The following CDKN2B-AS1 variants were observed in gnomAD, a reference collection of about 807,000 sequenced individuals.
CDKN2B-AS1 encodes the protein CDKN2B and CDKN2A antisense cis and trans regulatory RNA 1.
At position 21,996,281 on chromosome 9, in the gene CDKN2B-AS1, T is replaced by A. The variant is rs1820679903; in HGVS notation, n.29+1120T>A. ...GGAAAAAGTGAGATTTAGCGATCACTCTTACGTAGCCACTCTAAATATCTA... is the reference window on the plus strand; with the variant it reads ...GGAAAAAGTGAGATTTAGCGATCACACTTACGTAGCCACTCTAAATATCTA... On this transcript the variant is annotated intron_variant and non_coding_transcript_variant, in intron 1 of 4. Transcript: ENST00000650946. The surrounding 1 kb of genome is among the most constrained non-coding windows in gnomAD (Gnocchi z 5.4). Among the ~76,000 whole-genome samples, 1 of 152,128 alleles carries A rather than the reference T, an allele frequency of 6.6e-6. No individual in the cohort carries two copies.
chr9:22,032,545 A>T (rs1480367730), intron 1 of CDKN2B-AS1: 1 of 151,978 alleles, frequency 6.6e-6, no homozygotes, highest in Admixed American at 6.6e-5. Flanking sequence ...TTATTGAATC[A>T]CTGTGGAGTT....
intron 4 of CDKN2B-AS1, among the ~76,000 whole-genome samples, chr9:22,112,923 C>T (rs1049767975): frequency 6.6e-6 from 1 of 152,124 alleles, no homozygotes; most frequent in Non-Finnish European, 1.5e-5. Context: ...AAAGTCACAT[C>T]GGCAAAACTA....
At chr9:22,068,985 A>G (rs552921916) in intron 4 of CDKN2B-AS1, among the ~76,000 whole-genome samples, 74 of 152,318 alleles carry the variant, frequency 4.9e-4, no homozygotes, top group African/African-American at 1.6e-3. Flanking sequence ...GCAGCTATAG[A>G]TGCCATCAGA....
intron 1 of CDKN2B-AS1, among the ~76,000 whole-genome samples, chr9:22,016,170 C>T (rs1821747755): frequency 6.6e-6 from 1 of 152,106 alleles, no homozygotes; most frequent in Admixed American, 6.6e-5. Context: ...AGTCCTTGCC[C>T]ATGCCTATGT....
Position 21,996,458 on chromosome 9 carries a change from T to C in CDKN2B-AS1, n.29+1297T>C, listed in dbSNP as rs377127843. 1.3e-5 allele frequency among the ~76,000 whole-genome samples: 2 copies of C among 152,202 alleles called. No individual in the cohort carries two copies. Among genetic ancestry groups the C allele is most frequent in the Admixed American group, 6.5e-5 (1 of 15,290 alleles). ...CAAATATAGCTCTTTTTCCTTCAGG[T>C]CTCTTCTGAAGTAAGTAGCCCTTCC... On this transcript the variant is annotated intron_variant and non_coding_transcript_variant, in intron 1 of 4. Coordinates refer to ENST00000650946, the Ensembl canonical transcript of CDKN2B-AS1. The surrounding 1 kb of genome is among the most constrained non-coding windows in gnomAD (Gnocchi z 5.4).
chr9:22,008,683 A>G (rs767443985), intron 1 of CDKN2B-AS1: 9 of 1,609,628 alleles, frequency 5.6e-6, no homozygotes, highest in Non-Finnish European at 7.6e-6. Context: ...ACCTCCGGCC[A>G]ACGGAGACTC....
chr9:22,082,811 T>C (rs1824742250), intron 4 of CDKN2B-AS1, among the ~76,000 whole-genome samples: 1 of 152,156 alleles, frequency 6.6e-6, no homozygotes, highest in African/African-American at 2.4e-5. Context: ...GGGCAGGGGA[T>C]AAACCAAATT....
At chr9:22,081,735 T>G (rs1423170206) in intron 4 of CDKN2B-AS1, among the ~76,000 whole-genome samples, 1 of 152,220 alleles carries the variant, frequency 6.6e-6, no homozygotes, top group Non-Finnish European at 1.5e-5. Context: ...CTGACACTTT[T>G]CCCTCTGACT....
chr9:22,090,513 C>T (rs1454032751), intron 4 of CDKN2B-AS1, among the ~76,000 whole-genome samples: 13 of 152,068 alleles, frequency 8.5e-5, no homozygotes, highest in South Asian at 2.1e-4. Context: ...TTTTAATGAT[C>T]GCCATTCTGA....
At chr9:22,002,046 G>A (rs1740847733) in intron 1 of CDKN2B-AS1, among the ~76,000 whole-genome samples, 1 of 152,060 alleles carries the variant, frequency 6.6e-6, no homozygotes, top group Admixed American at 6.6e-5. Context: ...ATGTGTGATT[G>A]TGTATCTAGG....
At chr9:22,033,908 T>C (rs550522103) in intron 1 of CDKN2B-AS1, among the ~76,000 whole-genome samples, 1 of 152,328 alleles carries the variant, frequency 6.6e-6, no homozygotes, top group Admixed American at 6.5e-5. Context: ...ACATTTATAT[T>C]GCATTGAGGC....
chr9:22,081,543 G>C (rs1432412786), intron 4 of CDKN2B-AS1, among the ~76,000 whole-genome samples: 1 of 152,190 alleles, frequency 6.6e-6, no homozygotes, highest in Non-Finnish European at 1.5e-5. Context: ...CAGGAAAAGA[G>C]ATTTTAGGGA....
chr9:22,065,009 A>G (rs1823980572), intron 4 of CDKN2B-AS1, among the ~76,000 whole-genome samples: 3 of 152,050 alleles, frequency 2.0e-5, no homozygotes, highest in Non-Finnish European at 4.4e-5. Context: ...TTCTCTTTGT[A>G]CTCTTCACTG....
rs73650050 is a variant in CDKN2B-AS1, at chr9:22,104,557, G to T, written n.439-22546G>T. Among the ~76,000 whole-genome samples, 179 of 152,160 alleles carry T rather than the reference G, an allele frequency of 1.2e-3. 1 individual carries two copies. Among genetic ancestry groups the T allele is most frequent in the African/African-American group, 4.1e-3 (169 of 41,468 alleles). ...CCAGCCACTAAGACTACTTCCCACA[G>T]GACTGGAAATCTCTACCACCGTACC... On this transcript the variant is annotated intron_variant and non_coding_transcript_variant, in intron 4 of 4. Coordinates refer to ENST00000650946, the Ensembl canonical transcript of CDKN2B-AS1.
intron 4 of CDKN2B-AS1, among the ~76,000 whole-genome samples, chr9:22,082,091 C>A (rs1307045763): frequency 6.6e-6 from 1 of 152,172 alleles, no homozygotes; most frequent in Non-Finnish European, 1.5e-5. Context: ...TTAAACTGGT[C>A]CCCAGTTCAC....
intron 4 of CDKN2B-AS1, among the ~76,000 whole-genome samples, chr9:22,066,556 A>G (rs1387577760): frequency 6.6e-6 from 1 of 151,964 alleles, no homozygotes; most frequent in Non-Finnish European, 1.5e-5. Context: ...GCTTCTGAGA[A>G]TTTCTAAGAC....
chr9:22,105,247 G>A (rs1396437899), intron 4 of CDKN2B-AS1, among the ~76,000 whole-genome samples: 5 of 152,164 alleles, frequency 3.3e-5, no homozygotes, highest in East Asian at 1.9e-4. Flanking sequence ...TATCATCAGC[G>A]GAAATGAAAG....
At chr9:22,076,188 G>A (rs1458041275) in intron 4 of CDKN2B-AS1, among the ~76,000 whole-genome samples, 1 of 152,060 alleles carries the variant, frequency 6.6e-6, no homozygotes, top group African/African-American at 2.4e-5. Flanking sequence ...CAAGTAGTTG[G>A]ATTACAGGCA....
chr9:22,018,979 A>C (rs1159605501), intron 1 of CDKN2B-AS1, among the ~76,000 whole-genome samples: 1 of 152,222 alleles, frequency 6.6e-6, no homozygotes, highest in African/African-American at 2.4e-5. Flanking sequence ...TGAGGTCTGC[A>C]GTATTATAGA....
Sources: gnomAD v4.1 joint callset for allele counts (sites outside exome capture counted in the v4.1 genomes callset) on GRCh38, gnomAD v4.1.1 for gene constraint, Gnocchi (gnomAD v3.1) non-coding constraint, MANE v1.5 for transcripts, NCBI Gene and HGNC (gene_info 2026-07-23, HGNC 2026-07-21) for gene names.